NAALADL2: variants seen among roughly 807,000 people sequenced by gnomAD.
NAALADL2 encodes inactive N-acetylated-alpha-linked acidic dipeptidase-like protein 2.
Under a neutral mutation model 87.2 loss-of-function variants are expected in NAALADL2, and 76 were observed. The observed-to-expected ratio is 0.87, with a 90% CI of 0.72 to 1.05. The LOEUF is 1.05. NAALADL2 is among the 50% of genes least tolerant of loss of function. The probability of loss-of-function intolerance (pLI) is 0.00; values close to 1 mark genes in which losing one functional copy is unlikely to be tolerated. For synonymous variants in NAALADL2, 354 were observed against 331.0 expected (o/e 1.07, Z -0.75); for missense variants, 1,089 against 945.8 (o/e 1.15, Z -1.99).
intron 1 of NAALADL2, among the ~76,000 whole-genome samples, chr3:175,087,591 T>C (rs1719269248): frequency 6.6e-6 from 1 of 152,212 alleles, no homozygotes; most frequent in African/African-American, 2.4e-5. Context: ...TGGGATGCTG[T>C]TAATCTATAA....
chr3:175,639,318 C>CTTTTGTTTT (rs1728968632), intron 11 of NAALADL2, among the ~76,000 whole-genome samples: 1 of 108,764 alleles, frequency 9.2e-6, no homozygotes, highest in African/African-American at 4.1e-5. Context: ...AAGCGTTATT[C>CTTTTGTTTT]TTTTTTTTTT....
intron 5 of NAALADL2, among the ~76,000 whole-genome samples, chr3:175,336,239 A>G (rs1315474848): frequency 1.3e-5 from 2 of 152,144 alleles, no homozygotes; most frequent in South Asian, 2.1e-4. Flanking sequence ...ACTAAGCTAC[A>G]CTACAGATTT....
chr3:175,326,856 C>A (rs746095674), intron 5 of NAALADL2, among the ~76,000 whole-genome samples: 1 of 152,278 alleles, frequency 6.6e-6, no homozygotes, highest in Non-Finnish European at 1.5e-5. Context: ...AAAGGTGGCA[C>A]CTTTCAACAT....
intron 1 of NAALADL2, among the ~76,000 whole-genome samples, chr3:174,519,667 A>AC (rs1313067226): frequency 6.6e-6 from 1 of 151,388 alleles, no homozygotes; most frequent in African/African-American, 2.4e-5. Context: ...TTCATGTATT[A>AC]CCCTTCTCTT....
At chr3:175,763,056 C>A (rs1447038832) in intron 13 of NAALADL2, among the ~76,000 whole-genome samples, 16 of 150,070 alleles carry the variant, frequency 1.1e-4, no homozygotes, top group Admixed American at 1.1e-3. Context: ...TGCACTCCAG[C>A]CTGGGGGACA....
chr3:175,508,716 C>T (rs1286666085), intron 9 of NAALADL2, among the ~76,000 whole-genome samples: 2 of 152,116 alleles, frequency 1.3e-5, no homozygotes, highest in African/African-American at 4.8e-5. Context: ...ATAATTCAGA[C>T]CTCTTAATAG....
At chr3:175,050,420 T>G (rs2109016965) in intron 1 of NAALADL2, among the ~76,000 whole-genome samples, 1 of 152,222 alleles carries the variant, frequency 6.6e-6, no homozygotes, top group East Asian at 1.9e-4. Flanking sequence ...CACCACCACG[T>G]CTAGCTAATT....
chr3:175,698,451 A>ATT (rs1738429786), intron 11 of NAALADL2, among the ~76,000 whole-genome samples: 1 of 133,328 alleles, frequency 7.5e-6, no homozygotes, highest in African/African-American at 3.1e-5. Flanking sequence ...ATGTATGTAT[A>ATT]CATATATGTG....
chr3:175,709,360 T>G (rs2149995553), intron 11 of NAALADL2, among the ~76,000 whole-genome samples: 1 of 152,256 alleles, frequency 6.6e-6, no homozygotes, highest in South Asian at 2.1e-4. Context: ...TTATAAATGA[T>G]ATTTCCAGAA....
chr3:174,523,992 TG>T (rs1472455184), intron 1 of NAALADL2, among the ~76,000 whole-genome samples: 1 of 152,142 alleles, frequency 6.6e-6, no homozygotes, highest in Non-Finnish European at 1.5e-5. Flanking sequence ...TGAATATACT[TG>T]GTCTCTTTAT....
At chr3:175,098,915 A>C (rs540438980) in intron 2 of NAALADL2, among the ~76,000 whole-genome samples, 2 of 149,558 alleles carry the variant, frequency 1.3e-5, no homozygotes, top group East Asian at 3.9e-4. Context: ...TTCCCTGAGC[A>C]TCTGGTTAGT....
intron 10 of NAALADL2, among the ~76,000 whole-genome samples, chr3:175,615,593 C>T (rs1275750273): frequency 2.6e-5 from 4 of 151,922 alleles, no homozygotes; most frequent in South Asian, 2.1e-4. Context: ...CATGATGGCT[C>T]ATATCTGTAA....
intron 1 of NAALADL2, among the ~76,000 whole-genome samples, chr3:174,506,042 G>C (rs1471017147): frequency 6.6e-6 from 1 of 152,146 alleles, no homozygotes; most frequent in African/African-American, 2.4e-5. Flanking sequence ...TGTGTGTTTA[G>C]AGAGGGGAGG....
At chr3:174,984,807 C>A (rs1481899028) in intron 1 of NAALADL2, among the ~76,000 whole-genome samples, 1 of 152,102 alleles carries the variant, frequency 6.6e-6, no homozygotes, top group Non-Finnish European at 1.5e-5. Context: ...GTTCAAGAAC[C>A]AAGTGAAGGC....
At chr3:175,140,640 G>A (rs1337379796) in intron 2 of NAALADL2, among the ~76,000 whole-genome samples, 4 of 152,058 alleles carry the variant, frequency 2.6e-5, no homozygotes, top group South Asian at 2.1e-4. Flanking sequence ...TGCTGTGAAC[G>A]AAAACATTAC....
At chr3:174,731,372 C>A (rs1284872703) in intron 2 of NAALADL2, among the ~76,000 whole-genome samples, 1 of 152,128 alleles carries the variant, frequency 6.6e-6, no homozygotes, top group African/African-American at 2.4e-5. Flanking sequence ...TTTGGATATA[C>A]AGCTGGTGGC....
At chr3:174,716,249 C>T (rs965775596) in intron 2 of NAALADL2, among the ~76,000 whole-genome samples, 1 of 152,094 alleles carries the variant, frequency 6.6e-6, no homozygotes, top group Non-Finnish European at 1.5e-5. Context: ...AAAGGCATAC[C>T]TGTTTGACCA....
intron 3 of NAALADL2, among the ~76,000 whole-genome samples, chr3:175,250,897 A>G (rs1393754300): frequency 1.3e-5 from 2 of 152,170 alleles, no homozygotes; most frequent in African/African-American, 2.4e-5. Flanking sequence ...TTTCTTCATT[A>G]TAACATGGGA....
chr3:174,887,472 A>G (rs1019888297), intron 1 of NAALADL2, among the ~76,000 whole-genome samples: 3 of 152,152 alleles, frequency 2.0e-5, no homozygotes, highest in Admixed American at 2.0e-4. Context: ...TTTAATTTAA[A>G]AGTGAATTAT....
Sources: gnomAD v4.1 joint callset for allele counts (sites outside exome capture counted in the v4.1 genomes callset) on GRCh38, gnomAD v4.1.1 for gene constraint, MANE v1.5 for transcripts, NCBI Gene and HGNC (gene_info 2026-07-23, HGNC 2026-07-21) for gene names.